The following SLC25A15 variants were observed in gnomAD, a reference collection of about 807,000 sequenced individuals.
SLC25A15 encodes solute carrier family 25 member 15.
In SLC25A15, 24 loss-of-function variants were observed where a neutral mutation model predicts 32.3. The ratio of observed to expected loss-of-function variants is 0.74; its 90% CI spans 0.54 to 1.04. The LOEUF (loss-of-function observed/expected upper bound fraction) is 1.04, where lower values mean the gene tolerates loss of function less well. Ranked by LOEUF, SLC25A15 falls within the 50% of genes least tolerant of loss-of-function variation. The pLI, the probability that SLC25A15 is intolerant of heterozygous loss-of-function variation, is 0.00. For synonymous variants in SLC25A15, 132 were observed against 142.1 expected (o/e 0.93, Z 0.51); for missense variants, 317 against 374.5 (o/e 0.85, Z 1.27).
chr13:40,808,883 T>C (rs1465534847), intron 6 of SLC25A15, among the ~76,000 whole-genome samples: 3 of 135,442 alleles, frequency 2.2e-5, no homozygotes, highest in South Asian at 2.3e-4. Context: ...TGCAGTGAGC[T>C]GAGATTGCAC....
Position 40,807,353 on chromosome 13 carries a change from A to AAAG in SLC25A15, c.512_513insAAG (p.His171delinsGlnSer). The AAAG allele has an allele frequency of 6.2e-7, 1 of 1,613,986 alleles. No individual in the cohort carries two copies. The highest frequency in any genetic ancestry group is 8.5e-7 in the Non-Finnish European group (1 of 1,179,958). The stretch of plus-strand genomic sequence containing the variant: ...AAAGATGGCCCCTTGGGGTTCTACC[A>AAAG]TGGACTCTCAAGCACTTTACTTCGA... On this transcript the variant is annotated protein_altering_variant, in exon 5 of 7. Transcript: ENST00000338625.
At position 40,799,082 on chromosome 13, in the gene SLC25A15, G is replaced by A. The variant is rs1395458736; in HGVS notation, c.81G>A (p.Gly27=). Residue 27 remains glycine, a synonymous_variant, in exon 3 of 7, where the codon GGG becomes GGA. Transcript: ENST00000338625. ...GAGGTACAGCATGTGTACTGACCGG[G>A]CAGCCCTTTGACACAATGAAAGTGA... ...AAGGTACVLT[G]QPFDTMKVKM... The A allele has an allele frequency of 2.5e-6, 4 of 1,614,070 alleles. No homozygotes were observed. The highest frequency in any genetic ancestry group is 1.1e-5 in the South Asian group (1 of 91,080).
At chr13:40,791,011 A>T (rs188411735) in intron 1 of SLC25A15, among the ~76,000 whole-genome samples, 3 of 152,156 alleles carry the variant, frequency 2.0e-5, no homozygotes, top group Admixed American at 1.3e-4. Flanking sequence ...GTGCCAAAAG[A>T]AATAAGCGCA....
chr13:40,805,015 C>T lies in SLC25A15; in HGVS notation c.315-103C>T, dbSNP rs1017981258. The T allele has an allele frequency of 3.5e-4, 492 of 1,410,654 alleles. 1 individual carries two copies. The highest frequency in any genetic ancestry group is 9.7e-4 in the Middle Eastern group (4 of 4,126). 87.4% of individuals were successfully genotyped at this position (1,410,654 alleles called of 1,614,324 possible). A position where few individuals can be genotyped will look rare whatever the true frequency, so the allele number is the denominator to read the frequency against. ...CTGTAATCACAGGTTCATGCCCTCA[C>T]GCCCGGCTCCTTACCCTGCTTTATC... On this transcript the variant is annotated intron_variant, in intron 3 of 6. Coordinates refer to ENST00000338625, the MANE Select transcript of SLC25A15 (RefSeq NM_014252.4).
chr13:40,799,833 G>A (rs370480919), intron 3 of SLC25A15, among the ~76,000 whole-genome samples: 1 of 152,268 alleles, frequency 6.6e-6, no homozygotes, highest in East Asian at 1.9e-4. Context: ...GCAAAAAGCA[G>A]AGTATTGGAA....
chr13:40,789,712 C>G (rs1881413621), intron 1 of SLC25A15, 49 bp downstream of exon 1: 1 of 151,762 alleles, frequency 6.6e-6, no homozygotes, highest in African/African-American at 2.4e-5. Flanking sequence ...GCGCGCCAGG[C>G]AGAGGGAGCG....
chr13:40,794,002 A>G (rs1881592244), intron 2 of SLC25A15, among the ~76,000 whole-genome samples: 1 of 152,198 alleles, frequency 6.6e-6, no homozygotes, highest in African/African-American at 2.4e-5. Context: ...AACACCACTT[A>G]CTGTCCCTGC....
Position 40,805,257 on chromosome 13 carries a change from T to C in SLC25A15, c.452+2T>C, listed in dbSNP as rs1882127556. The C allele has an allele frequency of 6.2e-7, 1 of 1,614,124 alleles. No homozygotes were observed. The highest frequency in any genetic ancestry group is 8.5e-7 in the Non-Finnish European group (1 of 1,180,008). On this transcript the variant is annotated splice_donor_variant, in intron 4 of 6. Transcript: ENST00000338625. LOFTEE classifies it high-confidence loss of function. Reference sequence around the variant, plus strand: ...AGGGAAGATAGCCAAGAGCCAGAAGTAAGCACCACTTGGGCACAAACGTCA... The same window carrying C: ...AGGGAAGATAGCCAAGAGCCAGAAGCAAGCACCACTTGGGCACAAACGTCA...
chr13:40,809,424 G>T, intron 6 of SLC25A15, 119 bp from the exon 7 acceptor site: 1 of 1,241,676 alleles, frequency 8.1e-7, no homozygotes, highest in Non-Finnish European at 1.2e-6. Flanking sequence ...TCTATGACTT[G>T]TTGGTTTTTA....
In SLC25A15 at chr13:40,811,475, C is replaced by T. The variant is rs767166451; in HGVS notation, c.*1808C>T. ...CTGCACTCCAGACTGGGTGACACAG[C>T]GAGACTTCATCTCAAAAAAAAAAAG... On this transcript the variant is annotated 3_prime_UTR_variant, in exon 7 of 7. Coordinates refer to ENST00000338625, the MANE Select transcript of SLC25A15 (RefSeq NM_014252.4). Among the ~76,000 whole-genome samples the T allele has an allele frequency of 6.6e-6, 1 of 151,394 alleles. No individual in the cohort carries two copies. The highest frequency in any genetic ancestry group is 1.5e-5 in the Non-Finnish European group (1 of 67,914).
At chr13:40,798,848 A>T in intron 2 of SLC25A15, 1 of 985,398 alleles carries the variant, frequency 1.0e-6, no homozygotes, top group Non-Finnish European at 1.2e-6. Context: ...CCTGCCTGGC[A>T]TGAGCTCCTT....
chr13:40,793,745 A>G (rs1416443501), intron 2 of SLC25A15, among the ~76,000 whole-genome samples: 1 of 152,248 alleles, frequency 6.6e-6, no homozygotes, highest in East Asian at 1.9e-4. Context: ...GGATTAATCC[A>G]TTTGATGGAA....
Position 40,810,192 on chromosome 13 carries a change from T to G in SLC25A15, c.*525T>G, listed in dbSNP as rs1472461778. On this transcript the variant is annotated 3_prime_UTR_variant, in exon 7 of 7. Transcript: ENST00000338625. ...TTATTTTTTTGATACAGAGTCTCAC[T>G]CTGTCACCCAGACTGGAGTGCAGTG... The G allele has an allele frequency of 2.3e-5, 4 of 175,830 alleles. No homozygotes were observed. The highest frequency in any genetic ancestry group is 9.6e-5 in the African/African-American group (4 of 41,752). 10.9% of individuals were successfully genotyped at this position (175,830 alleles called of 1,614,324 possible).
intron 3 of SLC25A15, among the ~76,000 whole-genome samples, chr13:40,804,426 C>G (rs1882056838): frequency 6.6e-6 from 1 of 152,142 alleles, no homozygotes; most frequent in African/African-American, 2.4e-5. Context: ...TGTGACTGGC[C>G]ACATTATGTC....
chr13:40,794,492 G>T (rs1017236377), intron 2 of SLC25A15, among the ~76,000 whole-genome samples: 2 of 152,210 alleles, frequency 1.3e-5, no homozygotes, highest in African/African-American at 4.8e-5. Context: ...AGCACAGGGA[G>T]GTGCTACCTG....
Position 40,812,152 on chromosome 13 carries a change from T to A in SLC25A15, c.*2485T>A, listed in dbSNP as rs1395945652. 6.6e-6 allele frequency among the ~76,000 whole-genome samples: 1 copy of A among 152,204 alleles called. No homozygotes were observed. The highest frequency in any genetic ancestry group is 2.4e-5 in the African/African-American group (1 of 41,466). On this transcript the variant is annotated 3_prime_UTR_variant, in exon 7 of 7. Coordinates refer to ENST00000338625, the MANE Select transcript of SLC25A15 (RefSeq NM_014252.4). ...GACTGGCTTTCCACAGGAAGTAAAC[T>A]GCTTCAGAGCCCACAGTCCCCTGCT... is the stretch of plus-strand genomic sequence containing the variant.
intron 2 of SLC25A15, among the ~76,000 whole-genome samples, chr13:40,797,387 G>A (rs754969539): frequency 4.6e-5 from 7 of 152,064 alleles, no homozygotes; most frequent in Non-Finnish European, 8.8e-5. Flanking sequence ...TCTGAATTAC[G>A]CACCCACTTA....
Position 40,799,210 on chromosome 13 carries a change from C to T in SLC25A15, c.209C>T (p.Ala70Val). 1.9e-6 allele frequency: 3 copies of T among 1,614,228 alleles called. No homozygotes were observed. The South Asian group carries it at 3.3e-5, about 18-fold the overall frequency. ...FRGFYKGTSP[A>V]LIANIAENSV... ...GGCTTCTACAAGGGTACCAGTCCAG[C>T]ACTAATCGCCAACATCGCTGAGAAC... The change falls in exon 3 of 7, where the codon GCA becomes GTA. Residue 70 changes from alanine (A) to valine (V), a missense_variant. Physicochemically the swap from Ala to Val is moderately conservative, Grantham distance 64 (BLOSUM62 0). Coordinates refer to ENST00000338625, the MANE Select transcript of SLC25A15 (RefSeq NM_014252.4).
Position 40,799,293 on chromosome 13 carries a change from T to C in SLC25A15, c.292T>C (p.Leu98=), listed in dbSNP as rs752943501. The change falls in exon 3 of 7, where the codon TTG becomes CTG. Residue 98 remains leucine (L), a synonymous_variant. Transcript: ENST00000338625. ...CQQVVRKVAG[L]DKQAKLSDLQ... Reference sequence around the variant, plus strand: ...GCAGGTGGTGCGGAAAGTGGCTGGATTGGACAAGCAGGCAAAGCTGAGGTG... The same window carrying C: ...GCAGGTGGTGCGGAAAGTGGCTGGACTGGACAAGCAGGCAAAGCTGAGGTG... 1 of 1,614,082 alleles carries C rather than the reference T, an allele frequency of 6.2e-7. No homozygotes were observed. Among genetic ancestry groups the C allele is most frequent in the Non-Finnish European group, 8.5e-7 (1 of 1,180,028 alleles).
Sources: gnomAD v4.1 joint callset for allele counts (sites outside exome capture counted in the v4.1 genomes callset) on GRCh38, gnomAD v4.1.1 for gene constraint, MANE v1.5 for transcripts, NCBI Gene and HGNC (gene_info 2026-07-23, HGNC 2026-07-21) for gene names.